KNTC1: variants seen among roughly 807,000 people sequenced by gnomAD.
KNTC1 encodes kinetochore-associated protein 1.
In KNTC1, 253 loss-of-function variants were observed where a neutral mutation model predicts 314.4. The ratio of observed to expected loss-of-function variants is 0.80; its 90% CI spans 0.73 to 0.89. The LOEUF is 0.89. KNTC1 is among the 40% of genes least tolerant of loss of function. The pLI, the probability that KNTC1 is intolerant of heterozygous loss-of-function variation, is 0.00. For synonymous variants in KNTC1, 901 were observed against 901.4 expected (o/e 1.00, Z 0.01); for missense variants, 2,475 against 2,572.9 (o/e 0.96, Z 0.82).
At chr12:122,529,322 G>A (rs1255260909) in intron 1 of KNTC1, among the ~76,000 whole-genome samples, 1 of 152,100 alleles carries the variant, frequency 6.6e-6, no homozygotes, top group East Asian at 1.9e-4. Flanking sequence ...GAAACCAATT[G>A]TAATTATTTG....
At chr12:122,595,074 C>T (rs1469486265) in intron 43 of KNTC1, among the ~76,000 whole-genome samples, 1 of 152,178 alleles carries the variant, frequency 6.6e-6, no homozygotes, top group African/African-American at 2.4e-5. Flanking sequence ...TGGGGTTTCA[C>T]CATGTTGGCC....
chr12:122,581,108 A>G (rs1432939873), intron 33 of KNTC1, among the ~76,000 whole-genome samples: 4 of 151,768 alleles, frequency 2.6e-5, no homozygotes, highest in African/African-American at 9.7e-5. Flanking sequence ...CTCTCTCTCA[A>G]CAGCTGTATT....
intron 43 of KNTC1, among the ~76,000 whole-genome samples, chr12:122,594,764 A>G (rs1410136298): frequency 6.6e-6 from 1 of 152,254 alleles, no homozygotes; most frequent in Non-Finnish European, 1.5e-5. Flanking sequence ...TGAGTAATAA[A>G]CTTCTAAATC....
chr12:122,567,980 CAA>C lies in KNTC1; in HGVS notation c.1605-280_1605-279del, dbSNP rs150067806. Among the ~76,000 whole-genome samples the C allele has an allele frequency of 3.3e-4, 50 of 152,184 alleles. No individual in the cohort carries two copies. In the East Asian group the frequency reaches 7.1e-3, roughly 22 times the overall value. ...ATCTCAAAAAAACAAATAAAACAAA[CAA>C]GAGTGAAAAATAGTTATTTCTACGT... is the stretch of plus-strand genomic sequence containing the variant. On this transcript the variant is annotated intron_variant, in intron 20 of 63. Transcript: ENST00000333479.
chr12:122,560,368 A>G (rs1963893405), intron 18 of KNTC1, among the ~76,000 whole-genome samples: 1 of 151,902 alleles, frequency 6.6e-6, no homozygotes, highest in South Asian at 2.1e-4. Context: ...GTTGGGTCAT[A>G]TGCTAATTCT....
chr12:122,570,777 C>T (rs562108446), intron 22 of KNTC1, 99 bp from the exon 23 acceptor site: 6 of 843,444 alleles, frequency 7.1e-6, no homozygotes, highest in Middle Eastern at 3.6e-4. Flanking sequence ...GGTTTATGGA[C>T]AAAATAAATA....
Position 122,620,484 on chromosome 12 carries a change from C to T in KNTC1, c.6155C>T (p.Pro2052Leu). Residue 2052 changes from proline to leucine, a missense_variant, in exon 60 of 64, where the codon CCA becomes CTA. Pro to Leu is a moderately conservative substitution (Grantham distance 98, BLOSUM62 -3). Coordinates refer to ENST00000333479, the MANE Select transcript of KNTC1 (RefSeq NM_014708.6). ...SESLIAVLEC[P>L]VSGDLDLIGV... ...ATTAATGTTCTCTCTCGAAGATGTC[C>T]AGTCTCAGGTGATCTTGACCTGATC... The T allele has an allele frequency of 6.2e-7, 1 of 1,612,266 alleles. No homozygotes were observed. The highest frequency in any genetic ancestry group is 8.5e-7 in the Non-Finnish European group (1 of 1,178,934).
At position 122,616,727 on chromosome 12, in the gene KNTC1, T is replaced by A. The variant is rs1344621365; in HGVS notation, c.6030+1201T>A. On this transcript the variant is annotated intron_variant, in intron 57 of 63. Transcript: ENST00000333479. ...ATCAGCACATGTAGATCTATCTAAT[T>A]GTTTTATTGAGATACAATTCACATG... 8.5e-5 allele frequency among the ~76,000 whole-genome samples: 13 copies of A among 152,332 alleles called. No individual in the cohort carries two copies. The East Asian group carries it at 2.3e-3, about 27-fold the overall frequency.
chr12:122,604,443 A>C, intron 48 of KNTC1, 121 bp from the exon 49 acceptor site: 1 of 510,522 alleles, frequency 2.0e-6, no homozygotes, highest in Non-Finnish European at 3.4e-6. Context: ...CACTGTGCCC[A>C]GCCATGAGTA....
In KNTC1 at chr12:122,571,038, A is replaced by C. The variant is rs1389381122; in HGVS notation, c.1931A>C (p.Glu644Ala). 4 of 1,613,382 alleles carry C rather than the reference A, an allele frequency of 2.5e-6. No homozygotes were observed. Among genetic ancestry groups the C allele is most frequent in the Admixed American group, 1.7e-5 (1 of 59,984 alleles). The change falls in exon 24 of 64, where the codon GAA (glutamate) becomes GCA (alanine). Residue 644 changes from glutamate (E) to alanine (A), a missense_variant. By Grantham distance (107) the Glu-to-Ala change is moderately radical. Transcript: ENST00000333479. ...LELTDKANWP[E>A]NGLQLAEIFF... is the part of the protein sequence containing the mutation. ...TCTTTTTTAAAGGCAAATTGGCCAG[A>C]AAATGGACTTCAATTGGCAGAGATA...
chr12:122,574,235 T>C (rs573829986), intron 26 of KNTC1, 47 bp from the exon 27 acceptor site: 1 of 1,111,386 alleles, frequency 9.0e-7, no homozygotes, highest in Non-Finnish European at 1.3e-6. Context: ...ATTTTTTTAA[T>C]GAGAATTTTT....
Position 122,613,658 on chromosome 12 carries a change from C to T in KNTC1, c.5774C>T (p.Ser1925Leu). Residue 1925 changes from serine to leucine, a missense_variant, in exon 55 of 64, where the codon TCA becomes TTA. By Grantham distance (145) the Ser-to-Leu change is moderately radical (BLOSUM62 -2). Transcript: ENST00000333479. The part of the protein sequence containing the change: ...SYLRCITFLA[S>L]FETLNIPITY... ...TTGAGATGTATAACTTTTCTGGCAT[C>T]ATTTGAGACTTTGAATATCCCCATC... is the stretch of plus-strand genomic sequence containing the variant. 1 of 1,611,456 alleles carries T rather than the reference C, an allele frequency of 6.2e-7. No individual in the cohort carries two copies. Among genetic ancestry groups the T allele is most frequent in the Non-Finnish European group, 8.5e-7 (1 of 1,178,998 alleles).
rs185487016 is a variant in KNTC1 at position 122,610,101 on chromosome 12, G to A, written c.5543+671G>A. Among the ~76,000 whole-genome samples, 11 of 152,236 alleles carry A rather than the reference G, an allele frequency of 7.2e-5. No homozygotes were observed. The East Asian group carries it at 1.4e-3, about 19-fold the overall frequency. ...ATGTGGAAAGACAACCCCAAGAAAC[G>A]GATTCCTTCTGGTTTGGAACAAGCA... On this transcript the variant is annotated intron_variant, in intron 52 of 63. Coordinates refer to ENST00000333479, the MANE Select transcript of KNTC1 (RefSeq NM_014708.6).
chr12:122,604,805 T>G, intron 49 of KNTC1, 72 bp from the exon 50 acceptor site: 3 of 1,444,032 alleles, frequency 2.1e-6, no homozygotes, highest in Non-Finnish European at 2.9e-6. Context: ...TTGTGATTGA[T>G]AAAGATGGAT....
chr12:122,538,138 A>AAAAAC (rs996360061), intron 3 of KNTC1, among the ~76,000 whole-genome samples: 1 of 152,238 alleles, frequency 6.6e-6, no homozygotes, highest in Admixed American at 6.5e-5. Flanking sequence ...ACGCTGTCTC[A>AAAAAC]AAAACAAAAC....
At position 122,620,587 on chromosome 12, in the gene KNTC1, G is replaced by A; in HGVS notation, c.6258G>A (p.Glu2086=). 6.2e-7 allele frequency: 1 copy of A among 1,613,596 alleles called. No individual in the cohort carries two copies. Among genetic ancestry groups the A allele is most frequent in the Non-Finnish European group, 8.5e-7 (1 of 1,179,664 alleles). Residue 2086 remains glutamate (E), a synonymous_variant, in exon 60 of 64, where the codon GAG becomes GAA. Coordinates refer to ENST00000333479, the MANE Select transcript of KNTC1 (RefSeq NM_014708.6). ...LACLMLMPHS[E]KRHQQIKNFL... is the part of the protein sequence containing the mutation. ...GTCTGATGCTCATGCCCCACTCAGA[G>A]AAAAGACACCAGCAAATTAAGGTAT...
chr12:122,602,943 C>A, intron 47 of KNTC1, 56 bp downstream of exon 47: 1 of 1,541,476 alleles, frequency 6.5e-7, no homozygotes, highest in South Asian at 1.1e-5. Context: ...ATTCTGACCC[C>A]GTATAGAAGA....
Position 122,568,360 on chromosome 12 carries a change from G to A in KNTC1, c.1704G>A (p.Trp568Ter). The change falls in exon 21 of 64, where the codon TGG (tryptophan) becomes TGA (stop). Residue 568 changes from tryptophan to a stop codon, truncating the protein, a stop_gained. Transcript: ENST00000333479. LOFTEE classifies it high-confidence loss of function. ...ACCTTGTTTGTGCACAGTATCTTTG[G>A]CTTCGACATCGGGTAACATGTTTTA... The part of the protein sequence containing the change: ...EGNLVCAQYL[W>*]LRHRANFESR... 6.3e-7 allele frequency: 1 copy of A among 1,580,880 alleles called. No individual in the cohort carries two copies. Among genetic ancestry groups the A allele is most frequent in the African/African-American group, 1.3e-5 (1 of 74,238 alleles).
At chr12:122,620,037 C>CG (rs1212206697) in intron 59 of KNTC1, 1 of 152,278 alleles carries the variant, frequency 6.6e-6, no homozygotes, top group African/African-American at 2.4e-5. Context: ...GGCATGGTGG[C>CG]GCATGCCTGT....
Sources: allele counts gnomAD v4.1 joint callset (sites outside exome capture counted in the v4.1 genomes callset), GRCh38; gene constraint gnomAD v4.1.1; transcripts MANE v1.5; gene names NCBI Gene and HGNC (gene_info 2026-07-23, HGNC 2026-07-21).